Variants in UNC13C observed in about 807,000 individuals in gnomAD.
UNC13C encodes protein unc-13 homolog C.
Under a neutral mutation model 245.4 loss-of-function variants are expected in UNC13C, and 174 were observed. The ratio of observed to expected loss-of-function variants is 0.71; its 90% CI spans 0.63 to 0.80. The LOEUF is 0.80. UNC13C is among the 30% of genes least tolerant of loss of function. The pLI is 0.00. For synonymous variants in UNC13C, 992 were observed against 895.1 expected (o/e 1.11, Z -1.93); for missense variants, 2,829 against 2,602.9 (o/e 1.09, Z -1.89).
chr15:53,885,364 GGCT>G, the UNC13C span, among the ~76,000 whole-genome samples: 3 of 152,186 alleles, frequency 2.0e-5, no homozygotes, highest in Admixed American at 2.0e-4. Flanking sequence ...ACTGTCTACA[GGCT>G]GACTTCTCCT....
intron 4 of UNC13C, among the ~76,000 whole-genome samples, chr15:54,194,914 AACTC>A (rs1373175029): frequency 6.6e-6 from 1 of 152,208 alleles, no homozygotes; most frequent in Non-Finnish European, 1.5e-5. Context: ...TCCTCAGTGA[AACTC>A]AAACAGGAAA....
intron 2 of UNC13C, among the ~76,000 whole-genome samples, chr15:54,105,998 T>A (rs960522163): frequency 1.1e-4 from 16 of 152,320 alleles, no homozygotes; most frequent in African/African-American, 3.8e-4. Context: ...GATCACTAGG[T>A]AGATACTTTC....
At chr15:54,405,413 G>C (rs957954360) in intron 18 of UNC13C, among the ~76,000 whole-genome samples, 2 of 152,106 alleles carry the variant, frequency 1.3e-5, no homozygotes, top group Non-Finnish European at 2.9e-5. Flanking sequence ...AGATGGTATA[G>C]ACTCCTTAGG....
upstream of UNC13C, among the ~76,000 whole-genome samples, chr15:53,974,414 T>C (rs750723043): frequency 5.8e-4 from 88 of 152,296 alleles, no homozygotes; most frequent in Non-Finnish European, 1.0e-3. Context: ...ACCTACCTTT[T>C]ATGAGTCTAG....
intron 4 of UNC13C, among the ~76,000 whole-genome samples, chr15:54,195,110 T>C (rs1174368783): frequency 3.0e-5 from 3 of 100,566 alleles, no homozygotes; most frequent in Admixed American, 1.9e-4. Context: ...TCTCTGATAC[T>C]GCACATACAA....
intron 10 of UNC13C, among the ~76,000 whole-genome samples, chr15:54,291,756 C>T (rs1336794230): frequency 2.6e-5 from 4 of 151,978 alleles, no homozygotes; most frequent in Admixed American, 2.0e-4. Context: ...CCCTGTCAGA[C>T]CCAGTGAATC....
chr15:54,425,137 C>A (rs1307447344), intron 19 of UNC13C, among the ~76,000 whole-genome samples: 2 of 151,756 alleles, frequency 1.3e-5, no homozygotes, highest in Non-Finnish European at 2.9e-5. Context: ...TATTCTTTTA[C>A]ATGAATAAAC....
chr15:53,983,546 C>T (rs962042670), intron 1 of UNC13C, among the ~76,000 whole-genome samples: 1 of 152,008 alleles, frequency 6.6e-6, no homozygotes, highest in Admixed American at 6.6e-5. Context: ...TGCTTAATTA[C>T]ACAAAAACTT....
At chr15:53,883,739 A>G in the UNC13C span, among the ~76,000 whole-genome samples, 92 of 152,328 alleles carry the variant, frequency 6.0e-4, no homozygotes, top group South Asian at 4.3e-3. Context: ...TGGCTGTTGC[A>G]GAAATCTCAG....
At chr15:54,017,768 C>G (rs1004977798) in intron 2 of UNC13C, among the ~76,000 whole-genome samples, 3 of 152,140 alleles carry the variant, frequency 2.0e-5, no homozygotes, top group African/African-American at 7.2e-5. Flanking sequence ...TACACACATG[C>G]TCTTGGTTAT....
chr15:54,511,457 T>G (rs1894734502), intron 23 of UNC13C, among the ~76,000 whole-genome samples: 1 of 152,184 alleles, frequency 6.6e-6, no homozygotes, highest in Non-Finnish European at 1.5e-5. Context: ...AAAAGTGTGC[T>G]TACTTTCTAA....
chr15:54,117,807 C>A (rs1042762188), intron 2 of UNC13C, among the ~76,000 whole-genome samples: 1 of 152,080 alleles, frequency 6.6e-6, no homozygotes, highest in African/African-American at 2.4e-5. Context: ...TCTCAAACTC[C>A]TGAGCTCAAG....
At position 54,494,731 on chromosome 15, in the gene UNC13C, C is replaced by T; in HGVS notation, c.5057C>T (p.Ser1686Phe). The T allele has an allele frequency of 6.2e-7, 1 of 1,609,680 alleles. No individual in the cohort carries two copies. Among genetic ancestry groups the T allele is most frequent in the Non-Finnish European group, 8.5e-7 (1 of 1,178,100 alleles). Reference sequence around the variant, plus strand: ...TTCAAGGATGCTGTTCCTGAATACTCCTTGTAAGTAGTGATTTTAACACAC... The same window carrying T: ...TTCAAGGATGCTGTTCCTGAATACTTCTTGTAAGTAGTGATTTTAACACAC... ...PAFKDAVPEY[S>F]LWFEPFVMQW... The change falls in exon 20 of 33, where the codon TCC becomes TTC. Residue 1686 changes from serine (S) to phenylalanine (F), a missense_variant. Transcript: ENST00000260323.
chr15:54,126,127 C>T (rs2031021838), intron 2 of UNC13C, among the ~76,000 whole-genome samples: 2 of 151,936 alleles, frequency 1.3e-5, no homozygotes, highest in African/African-American at 2.4e-5. Flanking sequence ...AAACTTAAGC[C>T]TTAACATATC....
At chr15:54,230,739 G>A (rs985282872) in intron 4 of UNC13C, among the ~76,000 whole-genome samples, 5 of 151,978 alleles carry the variant, frequency 3.3e-5, no homozygotes, top group Non-Finnish European at 5.9e-5. Flanking sequence ...TGTTGGCTAA[G>A]AGTGTATATT....
intron 2 of UNC13C, among the ~76,000 whole-genome samples, chr15:54,102,857 T>C (rs1900235180): frequency 6.6e-6 from 1 of 152,226 alleles, no homozygotes. Context: ...TTGGTCCTCC[T>C]GGACAGTAGC....
At chr15:54,454,207 A>G (rs909249134) in intron 19 of UNC13C, among the ~76,000 whole-genome samples, 5 of 152,070 alleles carry the variant, frequency 3.3e-5, no homozygotes, top group Non-Finnish European at 7.3e-5. Context: ...TACATTCACA[A>G]TGTTGTACTA....
chr15:54,006,870 A>T (rs1895160902), intron 1 of UNC13C, among the ~76,000 whole-genome samples: 1 of 152,080 alleles, frequency 6.6e-6, no homozygotes, highest in Non-Finnish European at 1.5e-5. Flanking sequence ...GCCTGCTTAT[A>T]AAGTTACTTG....
Position 54,012,884 on chromosome 15 carries a change from G to A in UNC13C, c.-20G>A, listed in dbSNP as rs138625761. 3.2e-6 allele frequency: 5 copies of A among 1,550,866 alleles called. No individual in the cohort carries two copies. The African/African-American group carries it at 6.9e-5, about 21-fold the overall frequency. On this transcript the variant is annotated 5_prime_UTR_variant, in exon 2 of 33. Coordinates refer to ENST00000260323, the MANE Select transcript of UNC13C (RefSeq NM_001080534.3). ...TTGTTTACTTTTCTGGGGCAGAAAAGCTTGCACTAATTGCTCTCCATGGTG... is the reference window on the plus strand; with the variant it reads ...TTGTTTACTTTTCTGGGGCAGAAAAACTTGCACTAATTGCTCTCCATGGTG...
Sources: gnomAD v4.1 joint callset for allele counts (sites outside exome capture counted in the v4.1 genomes callset) on GRCh38, gnomAD v4.1.1 for gene constraint, MANE v1.5 for transcripts, NCBI Gene and HGNC (gene_info 2026-07-23, HGNC 2026-07-21) for gene names.